The following MDGA2 variants were observed in gnomAD, a reference collection of about 807,000 sequenced individuals.
The protein encoded by MDGA2 is MAM domain-containing glycosylphosphatidylinositol anchor protein 2.
A neutral mutation model predicts 117.8 loss-of-function variants in MDGA2; 40 were observed. That is an observed-to-expected ratio of 0.34 (90% CI 0.26 to 0.44). The LOEUF (loss-of-function observed/expected upper bound fraction) is 0.44. Ranked by LOEUF, MDGA2 falls within the 20% of genes least tolerant of loss-of-function variation. The probability of loss-of-function intolerance (pLI) is 1.00; values close to 1 mark genes in which losing one functional copy is unlikely to be tolerated. For missense variants in MDGA2, 1,123 were observed against 1,250.6 expected (o/e 0.90, Z 1.54); for synonymous variants, 452 against 439.0 (o/e 1.03, Z -0.37).
At chr14:47,042,085 G>A (rs978321379) in intron 7 of MDGA2, among the ~76,000 whole-genome samples, 8 of 151,944 alleles carry the variant, frequency 5.3e-5, no homozygotes, top group African/African-American at 1.9e-4. Flanking sequence ...CTGAATTTTG[G>A]AGGGAAGTAC....
At chr14:47,445,111 A>C (rs1893094264) in intron 1 of MDGA2, among the ~76,000 whole-genome samples, 1 of 152,118 alleles carries the variant, frequency 6.6e-6, no homozygotes, top group African/African-American at 2.4e-5. Flanking sequence ...AACCTGGTGT[A>C]TGGGTGGACA....
At chr14:46,887,008 G>GC (rs1448974135) in intron 10 of MDGA2, among the ~76,000 whole-genome samples, 3 of 151,936 alleles carry the variant, frequency 2.0e-5, no homozygotes. Context: ...TCTTTAAAAA[G>GC]CATCTCCTCT....
At chr14:47,045,862 G>A (rs1354051390) in intron 7 of MDGA2, among the ~76,000 whole-genome samples, 5 of 151,994 alleles carry the variant, frequency 3.3e-5, no homozygotes, top group Non-Finnish European at 5.9e-5. Context: ...CTACTTGGGA[G>A]GCTGAGGCAG....
At chr14:47,661,956 C>T (rs547373379) in intron 1 of MDGA2, among the ~76,000 whole-genome samples, 8 of 152,060 alleles carry the variant, frequency 5.3e-5, no homozygotes, top group African/African-American at 1.7e-4. Context: ...AGGCTGGTCT[C>T]GAGCTCCTGA....
At chr14:47,220,500 A>C (rs1419901397) in intron 2 of MDGA2, among the ~76,000 whole-genome samples, 1 of 152,216 alleles carries the variant, frequency 6.6e-6, no homozygotes, top group Non-Finnish European at 1.5e-5. Flanking sequence ...CATGTTTTGC[A>C]CAGTTTTGGT....
chr14:47,319,208 G>C (rs967204050), intron 1 of MDGA2, among the ~76,000 whole-genome samples: 2 of 152,124 alleles, frequency 1.3e-5, no homozygotes, highest in Non-Finnish European at 2.9e-5. Flanking sequence ...GACTGGAACA[G>C]TAGACTATCT....
intron 3 of MDGA2, among the ~76,000 whole-genome samples, chr14:47,159,611 C>A (rs1180977712): frequency 6.6e-6 from 1 of 152,104 alleles, no homozygotes; most frequent in African/African-American, 2.4e-5. Context: ...GAATTTCAGC[C>A]GTAACAGGCT....
intron 3 of MDGA2, among the ~76,000 whole-genome samples, chr14:47,166,033 CT>C (rs35219016): frequency 0.45 from 52,299 of 115,362 alleles, 10,899 homozygotes; most frequent in East Asian, 0.7. Context: ...GCACTGTTTA[CT>C]TTTTTTTTTT....
At chr14:47,064,451 A>G (rs1200293773) in intron 6 of MDGA2, among the ~76,000 whole-genome samples, 1 of 152,118 alleles carries the variant, frequency 6.6e-6, no homozygotes, top group African/African-American at 2.4e-5. Context: ...ATGTTCAGAT[A>G]AAAGGTGTGT....
intron 3 of MDGA2, among the ~76,000 whole-genome samples, chr14:47,156,359 T>A (rs1883389912): frequency 6.6e-6 from 1 of 152,144 alleles, no homozygotes; most frequent in Non-Finnish European, 1.5e-5. Context: ...AACTCCAAAG[T>A]TAGTTATTAT....
At chr14:47,382,859 T>C (rs1344058386) in intron 1 of MDGA2, among the ~76,000 whole-genome samples, 3 of 152,210 alleles carry the variant, frequency 2.0e-5, no homozygotes, top group African/African-American at 7.2e-5. Flanking sequence ...ACTGGGTACA[T>C]ACCCAAAGGA....
At chr14:47,361,654 T>C (rs1891128488) in intron 1 of MDGA2, among the ~76,000 whole-genome samples, 1 of 152,210 alleles carries the variant, frequency 6.6e-6, no homozygotes, top group East Asian at 1.9e-4. Flanking sequence ...GGCTTCAGAA[T>C]GTGGGTTTCC....
Position 47,096,946 on chromosome 14 carries a change from G to A in MDGA2, c.1103C>T (p.Ala368Val). The A allele has an allele frequency of 6.2e-7, 1 of 1,613,268 alleles. No homozygotes were observed. Among genetic ancestry groups the A allele is most frequent in the South Asian group, 1.1e-5 (1 of 91,064 alleles). The part of the protein sequence containing the change: ...VLNGGTLTIP[A>V]ITSDDAGTYS... The stretch of plus-strand genomic sequence containing the variant: ...AGTACCAGCATCATCTGAGGTGATG[G>A]CAGGTATGGTCAAAGTTCCTCCATT... Residue 368 changes from alanine (A) to valine (V), a missense_variant, in exon 6 of 17, where the codon GCC (alanine) becomes GTC (valine). Ala to Val is a moderately conservative substitution (Grantham distance 64, BLOSUM62 0). Around this residue, in one of 2 missense-constraint regions of MDGA2, gnomAD observed 890 missense variants for 1,050.3 expected, o/e 0.85. Transcript: ENST00000399232.
intron 1 of MDGA2, among the ~76,000 whole-genome samples, chr14:47,384,200 A>G (rs143123608): frequency 6.6e-6 from 1 of 151,704 alleles, no homozygotes; most frequent in African/African-American, 2.4e-5. Context: ...TCCAGGAGGC[A>G]ATAAGGAAGG....
intron 1 of MDGA2, among the ~76,000 whole-genome samples, chr14:47,359,827 T>C (rs1396360996): frequency 6.6e-6 from 1 of 151,932 alleles, no homozygotes; most frequent in Non-Finnish European, 1.5e-5. Context: ...GCAATGGTTT[T>C]TTGGGTATCA....
At chr14:47,204,371 G>C (rs1885611243) in intron 3 of MDGA2, among the ~76,000 whole-genome samples, 1 of 151,858 alleles carries the variant, frequency 6.6e-6, no homozygotes, top group Non-Finnish European at 1.5e-5. Context: ...TGTCTTTCAA[G>C]TAAAATAAAA....
chr14:46,858,528 C>T (rs1425875386), intron 14 of MDGA2, among the ~76,000 whole-genome samples: 3 of 150,612 alleles, frequency 2.0e-5, no homozygotes, highest in Admixed American at 2.0e-4. Context: ...CCCGGGTTCA[C>T]GCCATTCTCC....
chr14:47,434,518 G>T (rs929622986), intron 1 of MDGA2, among the ~76,000 whole-genome samples: 2 of 152,010 alleles, frequency 1.3e-5, no homozygotes, highest in South Asian at 4.1e-4. Context: ...ATTTCTCTGA[G>T]GTCAAAGAAG....
At chr14:47,000,411 A>T (rs369141833) in intron 8 of MDGA2, among the ~76,000 whole-genome samples, 1,454 of 102,858 alleles carry the variant, frequency 0.014, 31 homozygotes, top group African/African-American at 0.045. Flanking sequence ...ATATATATTT[A>T]TATATATACA....
Sources: gnomAD v4.1 joint callset for allele counts (sites outside exome capture counted in the v4.1 genomes callset) on GRCh38, gnomAD v4.1.1 for gene constraint, gnomAD v4.1.1 regional missense constraint, MANE v1.5 for transcripts, NCBI Gene and HGNC (gene_info 2026-07-23, HGNC 2026-07-21) for gene names.